Variants in KLRF2 observed in about 807,000 individuals in gnomAD.
The protein encoded by KLRF2 is killer cell lectin-like receptor subfamily F member 2.
A neutral mutation model predicts 25.3 loss-of-function variants in KLRF2; 28 were observed. That is an observed-to-expected ratio of 1.11 (90% CI 0.82 to 1.52). The LOEUF (loss-of-function observed/expected upper bound fraction) is 1.52, where lower values mean the gene tolerates loss of function less well. Among genes scored for constraint, KLRF2 ranks in the 40% most tolerant of loss-of-function variants. The probability of loss-of-function intolerance (pLI) is 0.00; values close to 1 mark genes in which losing one functional copy is unlikely to be tolerated. For missense variants in KLRF2, 265 were observed against 245.8 expected (o/e 1.08, Z -0.52); for synonymous variants, 73 against 85.0 (o/e 0.86, Z 0.78).
chr12:9,895,618 T>C, intron 5 of KLRF2, 71 bp from the exon 6 acceptor site: 1 of 1,386,750 alleles, frequency 7.2e-7, no homozygotes, highest in Non-Finnish European at 9.5e-7. Flanking sequence ...AAAGTTTGGC[T>C]GGAGAAAACT....
intron 5 of KLRF2, among the ~76,000 whole-genome samples, chr12:9,894,134 C>CTT (rs1862725395): frequency 6.8e-6 from 1 of 146,598 alleles, no homozygotes; most frequent in African/African-American, 2.6e-5. Context: ...CTTTCTCTCT[C>CTT]TCTCTCTCTC....
intron 3 of KLRF2, among the ~76,000 whole-genome samples, chr12:9,892,198 T>C (rs904784607): frequency 2.0e-5 from 3 of 152,106 alleles, no homozygotes; most frequent in African/African-American, 7.2e-5. Context: ...GGTGGAAATA[T>C]AACTGTATAT....
chr12:9,888,510 A>G (rs915714272), intron 2 of KLRF2, among the ~76,000 whole-genome samples: 3 of 152,012 alleles, frequency 2.0e-5, no homozygotes, highest in Non-Finnish European at 2.9e-5. Context: ...TAAAAATAAT[A>G]AAAATTAAAA....
At chr12:9,885,380 G>C (rs1268149210) in intron 2 of KLRF2, among the ~76,000 whole-genome samples, 1 of 151,600 alleles carries the variant, frequency 6.6e-6, no homozygotes, top group Non-Finnish European at 1.5e-5. Flanking sequence ...ATTTTAGGTA[G>C]ACTTCCAGAC....
intron 5 of KLRF2, among the ~76,000 whole-genome samples, chr12:9,894,124 C>T: frequency 1.1e-5 from 1 of 94,504 alleles, no homozygotes. Flanking sequence ...TCTTTCTTTT[C>T]TTTCTCTCTC....
intron 2 of KLRF2, among the ~76,000 whole-genome samples, chr12:9,886,760 A>G (rs1260181506): frequency 9.0e-6 from 1 of 110,502 alleles, no homozygotes; most frequent in African/African-American, 3.1e-5. Flanking sequence ...CCCCTATATC[A>G]TGCAAAAAAA....
In KLRF2 at chr12:9,888,711, C is replaced by A. The variant is rs750096559; in HGVS notation, c.170-22C>A. Reference sequence around the variant, plus strand: ...ATTGATTTTTAAATGTTTCTCATATCTTTTCTTTGCACTGAGTACAGATAA... The same window carrying A: ...ATTGATTTTTAAATGTTTCTCATATATTTTCTTTGCACTGAGTACAGATAA... On this transcript the variant is annotated intron_variant, in intron 2 of 5. Coordinates refer to ENST00000535540, the MANE Select transcript of KLRF2 (RefSeq NM_001190765.1). 9 of 1,387,850 alleles carry A rather than the reference C, an allele frequency of 6.5e-6. No individual in the cohort carries two copies. In the South Asian group the frequency reaches 7.5e-5, roughly 12 times the overall value. 86.0% of individuals were successfully genotyped at this position (1,387,850 alleles called of 1,614,324 possible).
At chr12:9,885,190 CA>C (rs1437310176) in intron 2 of KLRF2, among the ~76,000 whole-genome samples, 158 bp downstream of exon 2, 3 of 151,646 alleles carry the variant, frequency 2.0e-5, no homozygotes, top group Non-Finnish European at 4.4e-5. Context: ...TGCTCAAATG[CA>C]AGCTTGGTAT....
At chr12:9,892,975 G>C (rs1247677388) in intron 3 of KLRF2, 45 bp from the exon 4 acceptor site, 3 of 1,424,030 alleles carry the variant, frequency 2.1e-6, no homozygotes, top group Non-Finnish European at 2.8e-6. Context: ...TATCTTCCCT[G>C]TTGGCTGTAA....
intron 4 of KLRF2, 64 bp downstream of exon 4, chr12:9,893,232 C>T: frequency 7.0e-7 from 1 of 1,434,592 alleles, no homozygotes. Flanking sequence ...AGTTCACTGC[C>T]TAAGAAGCTT....
At chr12:9,882,297 T>C (rs1868102898) in intron 1 of KLRF2, among the ~76,000 whole-genome samples, 1 of 152,164 alleles carries the variant, frequency 6.6e-6, no homozygotes, top group Non-Finnish European at 1.5e-5. Context: ...AACATTCTCG[T>C]GTACAATCTC....
chr12:9,888,262 G>A (rs1367156861), intron 2 of KLRF2, among the ~76,000 whole-genome samples: 9 of 151,658 alleles, frequency 5.9e-5, no homozygotes, highest in Non-Finnish European at 1.3e-4. Context: ...AAGCCGAGGC[G>A]GGCGGATCAC....
chr12:9,893,980 C>A (rs996358201), intron 5 of KLRF2, among the ~76,000 whole-genome samples: 1 of 152,050 alleles, frequency 6.6e-6, no homozygotes, highest in Admixed American at 6.5e-5. Flanking sequence ...AAACTTTGCC[C>A]TTCAGAAATT....
chr12:9,894,012 ATTTCTT>A (rs986541961), intron 5 of KLRF2, among the ~76,000 whole-genome samples: 177 of 151,792 alleles, frequency 1.2e-3, no homozygotes, highest in African/African-American at 4.2e-3. Context: ...GTTGATATCC[ATTTCTT>A]TTTCTTTTCT....
chr12:9,893,287 G>A (rs2137004204), intron 4 of KLRF2, 119 bp downstream of exon 4: 1 of 938,918 alleles, frequency 1.1e-6, no homozygotes, highest in South Asian at 1.9e-5. Flanking sequence ...TAGCCACAAT[G>A]TAGTCACTAT....
chr12:9,895,765 A>G lies in KLRF2; in HGVS notation c.556A>G (p.Ser186Gly). Residue 186 changes from serine (S) to glycine (G), a missense_variant, in exon 6 of 6, where the codon AGC becomes GGC. Coordinates refer to ENST00000535540, the MANE Select transcript of KLRF2 (RefSeq NM_001190765.1). ...TGNWVYSEDC[S>G]STFKGICQRD... ...AAACTGGGTGTATTCTGAAGACTGTAGCTCCACATTTAAGGGCATTTGCCA... is the reference window on the plus strand; with the variant it reads ...AAACTGGGTGTATTCTGAAGACTGTGGCTCCACATTTAAGGGCATTTGCCA... 6.5e-7 allele frequency: 1 copy of G among 1,535,938 alleles called. No individual in the cohort carries two copies. Among genetic ancestry groups the G allele is most frequent in the Non-Finnish European group, 8.7e-7 (1 of 1,146,790 alleles).
chr12:9,886,762 G>GC (rs1286318767), intron 2 of KLRF2, among the ~76,000 whole-genome samples: 86 of 45,606 alleles, frequency 1.9e-3, no homozygotes, highest in Non-Finnish European at 3.6e-3. Context: ...CCTATATCAT[G>GC]CAAAAAAAAA....
At position 9,881,551 on chromosome 12, in the gene KLRF2, C is replaced by A; in HGVS notation, c.-45C>A. The A allele has an allele frequency of 7.4e-7, 1 of 1,349,256 alleles. No individual in the cohort carries two copies. Among genetic ancestry groups the A allele is most frequent in the African/African-American group, 1.4e-5 (1 of 69,288 alleles). The allele number at this position is 1,349,256 out of a possible 1,614,324, so 83.6% of individuals were successfully genotyped here. On this transcript the variant is annotated 5_prime_UTR_variant, in exon 1 of 6. Coordinates refer to ENST00000535540, the MANE Select transcript of KLRF2 (RefSeq NM_001190765.1). ...CAAGGTTGAGATTAGTTTCCATTTT[C>A]TTTGTACTATTTTCTGGATAATAAG... is the stretch of plus-strand genomic sequence containing the variant.
intron 1 of KLRF2, among the ~76,000 whole-genome samples, chr12:9,882,067 A>G (rs10845001): frequency 0.1 from 15,385 of 152,066 alleles, 1,142 homozygotes; most frequent in East Asian, 0.34. Flanking sequence ...TAAAAGCCCT[A>G]TAGGATTGGT....
Sources: allele counts gnomAD v4.1 joint callset (sites outside exome capture counted in the v4.1 genomes callset), GRCh38; gene constraint gnomAD v4.1.1; transcripts MANE v1.5; gene names NCBI Gene and HGNC (gene_info 2026-07-23, HGNC 2026-07-21).